The following RANBP9 variants were observed in gnomAD, a reference collection of about 807,000 sequenced individuals.
RANBP9 encodes RAN binding protein 9.
Under a neutral mutation model 84.3 loss-of-function variants are expected in RANBP9, and 15 were observed. The ratio of observed to expected loss-of-function variants is 0.18; its 90% CI spans 0.12 to 0.27. The LOEUF (loss-of-function observed/expected upper bound fraction) is 0.27. Among genes scored for constraint, RANBP9 ranks in the 10% least tolerant of loss-of-function variants. The pLI is 1.00. For missense variants in RANBP9, 809 were observed against 912.8 expected, an observed-to-expected ratio of 0.89 and a Z score of 1.46; for synonymous variants, 392 against 349.6, an observed-to-expected ratio of 1.12 and a Z score of -1.35.
At chr6:13,633,181 C>T (rs948973349) in intron 11 of RANBP9, among the ~76,000 whole-genome samples, 5 of 152,116 alleles carry the variant, frequency 3.3e-5, no homozygotes, top group East Asian at 1.9e-4. Flanking sequence ...ATTACAGGCA[C>T]GCGCCATCAT....
rs138244898 is a variant in RANBP9 at position 13,682,556 on chromosome 6, G to C, written c.683+14229C>G. Among the ~76,000 whole-genome samples, 483 of 152,062 alleles carry C rather than the reference G, an allele frequency of 3.2e-3. 3 individuals are homozygous for C. Among genetic ancestry groups the C allele is most frequent in the Non-Finnish European group, 4.9e-3 (331 of 67,978 alleles). ...CAACCTCCGCCTCCTGGGTTCAAGC[G>C]ATTCTCCAGCCTCAGCCTCCCGAGT... On this transcript the variant is annotated intron_variant, in intron 2 of 13. Coordinates refer to ENST00000011619, the MANE Select transcript of RANBP9 (RefSeq NM_005493.3).
At chr6:13,675,438 CTA>C (rs1765867258) in intron 2 of RANBP9, among the ~76,000 whole-genome samples, 1 of 152,096 alleles carries the variant, frequency 6.6e-6, no homozygotes, top group African/African-American at 2.4e-5. Context: ...AAATTTAAAA[CTA>C]TTTTCAACTA....
chr6:13,659,239 ACC>A (rs72288764), intron 2 of RANBP9, among the ~76,000 whole-genome samples: 13,852 of 138,160 alleles, frequency 0.1, 842 homozygotes, highest in East Asian at 0.25. Context: ...ACAAATTTAG[ACC>A]CCACACACAC....
At chr6:13,623,603 A>G (rs1335960651) in intron 13 of RANBP9, among the ~76,000 whole-genome samples, 1 of 152,160 alleles carries the variant, frequency 6.6e-6, no homozygotes, top group African/African-American at 2.4e-5. Flanking sequence ...TCTACAGGGA[A>G]TATTTTTTTA....
intron 13 of RANBP9, among the ~76,000 whole-genome samples, chr6:13,625,009 G>C (rs1350319551): frequency 6.6e-6 from 1 of 150,906 alleles, no homozygotes; most frequent in Non-Finnish European, 1.5e-5. Flanking sequence ...CAGGTAACAG[G>C]GGAGGACCAG....
intron 2 of RANBP9, among the ~76,000 whole-genome samples, chr6:13,666,386 G>C (rs1765647579): frequency 6.6e-6 from 1 of 151,844 alleles, no homozygotes; most frequent in South Asian, 2.1e-4. Flanking sequence ...CGAAGGAAAT[G>C]GGATTGGAAG....
chr6:13,678,884 C>A (rs1023511408), intron 2 of RANBP9, among the ~76,000 whole-genome samples: 1 of 152,068 alleles, frequency 6.6e-6, no homozygotes, highest in Non-Finnish European at 1.5e-5. Flanking sequence ...CTTAGAATAG[C>A]CACTATTAAT....
chr6:13,700,402 G>T (rs1382784345), intron 1 of RANBP9, among the ~76,000 whole-genome samples: 1 of 152,164 alleles, frequency 6.6e-6, no homozygotes, highest in Non-Finnish European at 1.5e-5. Flanking sequence ...TTCTGCTCCA[G>T]CCGCATCAGC....
At chr6:13,681,165 T>C (rs76674808) in intron 2 of RANBP9, among the ~76,000 whole-genome samples, 5,956 of 152,228 alleles carry the variant, frequency 0.039, 162 homozygotes, top group South Asian at 0.12. Context: ...GATTACAAAA[T>C]AGCCATTTTC....
At chr6:13,625,810 A>G (rs1450583051) in intron 12 of RANBP9, 46 bp from the exon 13 acceptor site, 2 of 1,327,686 alleles carry the variant, frequency 1.5e-6, no homozygotes, top group East Asian at 2.3e-5. Context: ...TAGTTCAACT[A>G]TTATGCTCAC....
At chr6:13,631,104 G>A (rs563488191) in intron 12 of RANBP9, among the ~76,000 whole-genome samples, 23 of 152,116 alleles carry the variant, frequency 1.5e-4, no homozygotes, top group South Asian at 1.2e-3. Flanking sequence ...CACCGCGCCC[G>A]GCCTGATTTG....
chr6:13,690,461 C>T (rs926275043), intron 2 of RANBP9, among the ~76,000 whole-genome samples: 15 of 152,132 alleles, frequency 9.9e-5, no homozygotes, highest in South Asian at 8.3e-4. Context: ...TCTCCTCCCC[C>T]GCCAAGAAAT....
rs1405952261 is a variant in RANBP9 at position 13,621,630 on chromosome 6, T to A, written c.*732A>T. 2 of 152,640 alleles carry A rather than the reference T, an allele frequency of 1.3e-5. No homozygotes were observed. Among genetic ancestry groups the A allele is most frequent in the African/African-American group, 4.8e-5 (2 of 41,452 alleles). The allele number at this position is 152,640 out of a possible 1,614,324, so 9.5% of individuals were successfully genotyped here. On this transcript the variant is annotated 3_prime_UTR_variant, in exon 14 of 14. Coordinates refer to ENST00000011619, the MANE Select transcript of RANBP9 (RefSeq NM_005493.3). ...AAGACACGGTAAATTGACTAAATAT[T>A]TGGTTTTTATATAAATAAAGGTCAT...
chr6:13,687,231 T>G (rs1330847498), intron 2 of RANBP9, among the ~76,000 whole-genome samples: 1 of 152,148 alleles, frequency 6.6e-6, no homozygotes, highest in Admixed American at 6.5e-5. Flanking sequence ...AGCCCTACTC[T>G]CCTAAATCCC....
intron 1 of RANBP9, among the ~76,000 whole-genome samples, chr6:13,704,072 C>T (rs987265864): frequency 6.6e-6 from 1 of 152,206 alleles, no homozygotes; most frequent in African/African-American, 2.4e-5. Flanking sequence ...CTCAGTATTA[C>T]TTTTAAATAT....
At chr6:13,636,614 G>GTT (rs1306121786) in intron 10 of RANBP9, among the ~76,000 whole-genome samples, 1 of 152,182 alleles carries the variant, frequency 6.6e-6, no homozygotes, top group African/African-American at 2.4e-5. Flanking sequence ...AATGCATTTA[G>GTT]TATAAAGCAT....
intron 1 of RANBP9, among the ~76,000 whole-genome samples, chr6:13,698,111 T>C (rs986587933): frequency 2.0e-5 from 3 of 152,184 alleles, no homozygotes; most frequent in African/African-American, 7.2e-5. Context: ...CACTTAAGTT[T>C]ACACTTGCAA....
At chr6:13,685,253 G>A (rs1766145320) in intron 2 of RANBP9, among the ~76,000 whole-genome samples, 1 of 152,150 alleles carries the variant, frequency 6.6e-6, no homozygotes, top group Non-Finnish European at 1.5e-5. Flanking sequence ...CTGGCAACAG[G>A]AGAACAGCTA....
At chr6:13,702,037 A>C (rs1757987656) in intron 1 of RANBP9, among the ~76,000 whole-genome samples, 1 of 152,202 alleles carries the variant, frequency 6.6e-6, no homozygotes, top group Non-Finnish European at 1.5e-5. Flanking sequence ...CAATCTGTAA[A>C]GGGACAATGT....
Sources: allele counts gnomAD v4.1 joint callset (sites outside exome capture counted in the v4.1 genomes callset), GRCh38; gene constraint gnomAD v4.1.1; transcripts MANE v1.5; gene names NCBI Gene and HGNC (gene_info 2026-07-23, HGNC 2026-07-21).